Variants in BCAP31 observed in about 807,000 individuals in gnomAD.
BCAP31 encodes B-cell receptor-associated protein 31.
For synonymous variants in BCAP31, 75 were observed against 80.9 expected (o/e 0.93, Z 0.39); for missense variants, 124 against 193.0 (o/e 0.64, Z 2.12).
intron 3 of BCAP31, among the ~76,000 whole-genome samples, 165 bp from the exon 4 acceptor site, chrX:153,715,854 T>C (rs1247194206): frequency 1.8e-5 from 2 of 110,765 alleles, no homozygotes; most frequent in Non-Finnish European, 3.8e-5. Flanking sequence ...TGGGATGCTG[T>C]TATCAGAAGC....
chrX:153,723,436 G>A (rs1428241692), intron 1 of BCAP31, 148 bp from the exon 2 acceptor site: 3 of 1,131,666 alleles, frequency 2.7e-6, no homozygotes, highest in Non-Finnish European at 2.4e-6. Context: ...CGGAAGCAGG[G>A]CTCCACTCGG....
chrX:153,715,782 G>T, intron 3 of BCAP31, 93 bp from the exon 4 acceptor site: 1 of 1,031,887 alleles, frequency 9.7e-7, no homozygotes, highest in Non-Finnish European at 1.3e-6. Flanking sequence ...AGACAGGTCA[G>T]ACTCACTTCC....
Position 153,718,582 on chromosome X carries a change from C to T in BCAP31, c.193+2290G>A, listed in dbSNP as rs188253764. On this transcript the variant is annotated intron_variant, in intron 3 of 7. Transcript: ENST00000345046. ...CTCTGGAAATGCACAACAAAATACT[C>T]ATGATGGTTACCTGTGGGAAATGGG... Among the ~76,000 whole-genome samples, 6 of 112,274 alleles carry T rather than the reference C, an allele frequency of 5.3e-5. No homozygotes were observed. The East Asian group carries it at 1.7e-3, about 31-fold the overall frequency.
intron 4 of BCAP31, among the ~76,000 whole-genome samples, chrX:153,713,015 G>A (rs1234355720): frequency 9.0e-6 from 1 of 111,473 alleles, no homozygotes; most frequent in African/African-American, 3.3e-5. Context: ...AGACCAGCCT[G>A]GCCAACATGG....
At chrX:153,718,317 CAAA>C (rs60097594) in intron 3 of BCAP31, among the ~76,000 whole-genome samples, 2 of 30,501 alleles carry the variant, frequency 6.6e-5, no homozygotes, top group Admixed American at 4.2e-4. Flanking sequence ...GATTCCATCT[CAAA>C]AAAAAAAAAA....
intron 3 of BCAP31, among the ~76,000 whole-genome samples, chrX:153,718,668 A>G (rs1426880381): frequency 3.6e-5 from 4 of 112,205 alleles, no homozygotes; most frequent in Non-Finnish European, 7.5e-5. Context: ...ATTACCCATT[A>G]TTTTTGTAAT....
chrX:153,718,518 T>C (rs1446889789), intron 3 of BCAP31, among the ~76,000 whole-genome samples: 1 of 110,578 alleles, frequency 9.0e-6, no homozygotes, highest in Non-Finnish European at 1.9e-5. Flanking sequence ...GATCCCACCG[T>C]TGTAGACATT....
intron 2 of BCAP31, 92 bp from the exon 3 acceptor site, chrX:153,721,064 C>T: frequency 2.7e-6 from 2 of 751,816 alleles, no homozygotes. Context: ...GCTTTGTACT[C>T]TTCTCCAATG....
At chrX:153,711,646 G>A (rs782476593) in intron 4 of BCAP31, among the ~76,000 whole-genome samples, 8 of 112,219 alleles carry the variant, frequency 7.1e-5, no homozygotes, top group Non-Finnish European at 1.3e-4. Flanking sequence ...GCTCATGCCT[G>A]TATTCCCAGC....
At chrX:153,724,288 G>A (rs1603231182) in intron 1 of BCAP31, 46 bp downstream of exon 1, 2 of 178,166 alleles carry the variant, frequency 1.1e-5, no homozygotes, top group Non-Finnish European at 2.1e-5. Flanking sequence ...GGGCCGGGGA[G>A]CCTCCGCGGT....
At chrX:153,723,798 C>T in intron 1 of BCAP31, 1 of 814,978 alleles carries the variant, frequency 1.2e-6, no homozygotes, top group Non-Finnish European at 1.7e-6. Context: ...TCCCACCGTC[C>T]CCACGGCGCC....
chrX:153,702,357 G>A (rs1443777318), intron 6 of BCAP31: 4 of 311,774 alleles, frequency 1.3e-5, no homozygotes, highest in Non-Finnish European at 2.2e-5. Context: ...TTAATGGAGA[G>A]GAACTCTAGT....
At chrX:153,723,719 G>A in intron 1 of BCAP31, 5 of 1,128,156 alleles carry the variant, frequency 4.4e-6, no homozygotes, top group Non-Finnish European at 5.9e-6. Context: ...GGCGCTCTGC[G>A]GGCCCAAATC....
intron 5 of BCAP31, 111 bp downstream of exon 5, chrX:153,703,848 G>A (rs1324729588): frequency 9.3e-7 from 1 of 1,080,025 alleles, no homozygotes; most frequent in Non-Finnish European, 1.2e-6. Context: ...TGGCTTTTCA[G>A]GCACATTTCC....
intron 4 of BCAP31, among the ~76,000 whole-genome samples, chrX:153,708,968 G>A (rs1395860800): frequency 3.6e-5 from 4 of 112,055 alleles, no homozygotes; most frequent in African/African-American, 1.3e-4. Flanking sequence ...TCCAGCCCAC[G>A]ACCCAGATGG....
At chrX:153,716,845 T>C (rs1164081502) in intron 3 of BCAP31, among the ~76,000 whole-genome samples, 1 of 112,310 alleles carries the variant, frequency 8.9e-6, no homozygotes, top group Non-Finnish European at 1.9e-5. Context: ...AGGGTTTCAT[T>C]TCAAAGCTTT....
chrX:153,723,028 C>A (rs1364284440), intron 2 of BCAP31, 125 bp downstream of exon 2: 2 of 910,677 alleles, frequency 2.2e-6, no homozygotes, highest in Non-Finnish European at 3.0e-6. Context: ...CACCCCCACC[C>A]CAGACAGGTT....
chrX:153,718,517 G>A (rs1177143272), intron 3 of BCAP31, among the ~76,000 whole-genome samples: 1 of 110,521 alleles, frequency 9.0e-6, no homozygotes, highest in Admixed American at 9.7e-5. Context: ...TGATCCCACC[G>A]TTGTAGACAT....
chrX:153,723,810 G>T, intron 1 of BCAP31: 1 of 792,287 alleles, frequency 1.3e-6, no homozygotes, highest in Non-Finnish European at 1.8e-6. Context: ...CACGGCGCCC[G>T]CGGAGAGAAA....
Sources: allele counts gnomAD v4.1 joint callset (sites outside exome capture counted in the v4.1 genomes callset), GRCh38; gene constraint gnomAD v4.1.1; transcripts MANE v1.5; gene names NCBI Gene and HGNC (gene_info 2026-07-23, HGNC 2026-07-21).